LEKR1: variants seen among roughly 807,000 people sequenced by gnomAD.
LEKR1 encodes the protein protein LEKR1.
LEKR1 carries 59 observed loss-of-function variants against 72.4 expected under a neutral mutation model. The ratio of observed to expected loss-of-function variants is 0.82; its 90% CI spans 0.66 to 1.01. The LOEUF is 1.01. LEKR1 is among the 50% of genes least tolerant of loss of function. The probability of loss-of-function intolerance (pLI) is 0.00; values close to 1 mark genes in which losing one functional copy is unlikely to be tolerated. For synonymous variants in LEKR1, 257 were observed against 263.2 expected (o/e 0.98, Z 0.23); for missense variants, 728 against 759.2 (o/e 0.96, Z 0.48).
chr3:157,040,814 T>C (rs1198798587), intron 12 of LEKR1, among the ~76,000 whole-genome samples: 1 of 152,162 alleles, frequency 6.6e-6, no homozygotes, highest in Non-Finnish European at 1.5e-5. Flanking sequence ...GAGGACTTGC[T>C]TTCCTGGCAT....
intron 3 of LEKR1, among the ~76,000 whole-genome samples, chr3:156,918,886 A>G (rs532946021): frequency 2.2e-4 from 33 of 152,264 alleles, no homozygotes; most frequent in Non-Finnish European, 2.5e-4. Context: ...TGTCTTCACC[A>G]AAACTCATGA....
intron 11 of LEKR1, among the ~76,000 whole-genome samples, chr3:157,027,890 G>A (rs1353423709): frequency 6.6e-6 from 1 of 152,064 alleles, no homozygotes; most frequent in African/African-American, 2.4e-5. Flanking sequence ...TTCCAAAAGT[G>A]CCCAAGTGAT....
chr3:156,872,066 C>T (rs1718020187), intron 3 of LEKR1, among the ~76,000 whole-genome samples: 2 of 150,252 alleles, frequency 1.3e-5, no homozygotes, highest in East Asian at 1.9e-4. Context: ...ACTGTCTGGT[C>T]CTGGACTTGT....
At chr3:156,827,155 G>T (rs765067515) in intron 1 of LEKR1, 1 of 152,222 alleles carries the variant, frequency 6.6e-6, no homozygotes, top group African/African-American at 2.4e-5. Flanking sequence ...GTTGCCAAAA[G>T]GGAAAGACCC....
chr3:156,890,860 CTTT>C (rs111265584), intron 3 of LEKR1, among the ~76,000 whole-genome samples: 7 of 135,688 alleles, frequency 5.2e-5, no homozygotes, highest in Admixed American at 7.5e-5. Flanking sequence ...AAAAGTTATC[CTTT>C]TTTTTTTTTT....
intron 3 of LEKR1, among the ~76,000 whole-genome samples, chr3:156,899,664 A>G (rs1314106737): frequency 7.1e-6 from 1 of 140,242 alleles, no homozygotes; most frequent in Non-Finnish European, 1.5e-5. Context: ...ACACGCATAT[A>G]TACACATATA....
chr3:157,018,653 G>C (rs1187920405), intron 10 of LEKR1, among the ~76,000 whole-genome samples: 2 of 152,100 alleles, frequency 1.3e-5, no homozygotes, highest in Admixed American at 6.5e-5. Flanking sequence ...CTGAGCTATA[G>C]AGTTCACCGG....
At chr3:156,875,255 T>C (rs942845883) in intron 3 of LEKR1, among the ~76,000 whole-genome samples, 3 of 152,130 alleles carry the variant, frequency 2.0e-5, no homozygotes, top group African/African-American at 7.2e-5. Flanking sequence ...CACATTGTGA[T>C]TTTGTGTTTC....
intron 5 of LEKR1, among the ~76,000 whole-genome samples, chr3:156,931,085 C>A (rs1725182808): frequency 1.3e-5 from 2 of 152,100 alleles, no homozygotes; most frequent in South Asian, 4.1e-4. Context: ...ATTAAAACAT[C>A]TGTTCATCAG....
At chr3:156,935,307 CAGATGG>C (rs1725591274) in intron 5 of LEKR1, among the ~76,000 whole-genome samples, 1 of 152,170 alleles carries the variant, frequency 6.6e-6, no homozygotes, top group Non-Finnish European at 1.5e-5. Flanking sequence ...GTGAACACAA[CAGATGG>C]GGTGTGTCAA....
intron 9 of LEKR1, among the ~76,000 whole-genome samples, chr3:157,005,983 T>G (rs1048304659): frequency 3.2e-4 from 49 of 151,452 alleles, no homozygotes; most frequent in Admixed American, 3.0e-3. Flanking sequence ...AAAACCACAA[T>G]AAGATACTAC....
chr3:157,011,308 T>C, intron 9 of LEKR1, 105 bp from the exon 10 acceptor site: 2 of 743,634 alleles, frequency 2.7e-6, no homozygotes, highest in Non-Finnish European at 2.3e-6. Flanking sequence ...CTGAAGAAAA[T>C]AAACAGACTA....
intron 9 of LEKR1, among the ~76,000 whole-genome samples, chr3:157,002,065 A>T (rs1010966417): frequency 6.6e-6 from 1 of 152,066 alleles, no homozygotes. Flanking sequence ...TACAATGAGA[A>T]CTCCTGGATT....
chr3:156,879,385 G>A (rs1456777711), intron 3 of LEKR1, among the ~76,000 whole-genome samples: 1 of 152,160 alleles, frequency 6.6e-6, no homozygotes, highest in South Asian at 2.1e-4. Flanking sequence ...TCAGGGATAT[G>A]ATTTAGAGTA....
At chr3:156,843,821 T>C (rs1223752218) in intron 2 of LEKR1, among the ~76,000 whole-genome samples, 1 of 151,862 alleles carries the variant, frequency 6.6e-6, no homozygotes, top group Admixed American at 6.6e-5. Flanking sequence ...CTGGGAAAGT[T>C]GTGATGTGTG....
chr3:156,898,497 A>G (rs1254683026), intron 3 of LEKR1, among the ~76,000 whole-genome samples: 2 of 152,200 alleles, frequency 1.3e-5, no homozygotes, highest in East Asian at 3.8e-4. Context: ...ACCAGGAAGC[A>G]GGCCCTCACC....
At chr3:156,828,343 C>T (rs1308331933) in intron 1 of LEKR1, among the ~76,000 whole-genome samples, 1 of 152,168 alleles carries the variant, frequency 6.6e-6, no homozygotes, top group Non-Finnish European at 1.5e-5. Context: ...TTTGCTTCTC[C>T]AGTCTCTTGT....
chr3:157,045,879 T>C lies in LEKR1; in HGVS notation c.*129T>C, dbSNP rs1735722290. On this transcript the variant is annotated 3_prime_UTR_variant, in exon 13 of 13. Coordinates refer to ENST00000356539, the MANE Select transcript of LEKR1 (RefSeq NM_001004316.3). ...GATCAGGAAGGCATACCTATAGATG[T>C]ATTTAACAAAAGACTGTAAAAAGCT... is the stretch of plus-strand genomic sequence containing the variant. The C allele has an allele frequency of 1.2e-6, 1 of 832,900 alleles. No homozygotes were observed. 51.6% of individuals were successfully genotyped at this position (832,900 alleles called of 1,614,324 possible).
intron 10 of LEKR1, among the ~76,000 whole-genome samples, chr3:157,019,296 C>T (rs995037733): frequency 2.6e-5 from 4 of 151,954 alleles, no homozygotes; most frequent in South Asian, 2.1e-4. Context: ...ACAAAGACCT[C>T]GCTTGGAAAA....
Sources: gnomAD v4.1 joint callset for allele counts (sites outside exome capture counted in the v4.1 genomes callset) on GRCh38, gnomAD v4.1.1 for gene constraint, MANE v1.5 for transcripts, NCBI Gene and HGNC (gene_info 2026-07-23, HGNC 2026-07-21) for gene names.